Variants in ATAD2 observed in about 807,000 individuals in gnomAD.
ATAD2 encodes the protein ATPase family AAA domain containing 2.
In ATAD2, 62 loss-of-function variants were observed where a neutral mutation model predicts 168.9. The observed-to-expected ratio is 0.37, with a 90% CI of 0.30 to 0.45. ATAD2 has a LOEUF of 0.45. ATAD2 is among the 20% of genes least tolerant of loss of function. The pLI is 1.00. For synonymous variants in ATAD2, 613 were observed against 571.6 expected, an observed-to-expected ratio of 1.07 and a Z score of -1.03; for missense variants, 1,419 against 1,667.8, an observed-to-expected ratio of 0.85 and a Z score of 2.60.
In ATAD2 at chr8:123,357,546, A is replaced by C. The variant is rs371796622; in HGVS notation, c.1557+16T>G. 1.9e-6 allele frequency: 3 copies of C among 1,599,590 alleles called. No homozygotes were observed. The African/African-American group carries it at 4.0e-5, about 22-fold the overall frequency. On this transcript the variant is annotated intron_variant, in intron 12 of 27. Transcript: ENST00000287394. ...ATTACAGAACTATCCAGATATATAA[A>C]ATGTTAATATCATACCTGATCAAAC...
intron 1 of ATAD2, among the ~76,000 whole-genome samples, chr8:123,406,838 TACC>T (rs1813074981): frequency 6.8e-6 from 1 of 146,026 alleles, no homozygotes; most frequent in African/African-American, 2.5e-5. Flanking sequence ...AAAAAAAAAT[TACC>T]ACACTGGCTT....
chr8:123,384,784 G>A (rs1051386159), intron 1 of ATAD2, among the ~76,000 whole-genome samples: 9 of 152,164 alleles, frequency 5.9e-5, no homozygotes, highest in Admixed American at 2.0e-4. Context: ...AAAGATTAGC[G>A]AAACAATTTT....
At chr8:123,371,400 T>G in intron 4 of ATAD2, 62 bp from the exon 5 acceptor site, 1 of 1,343,266 alleles carries the variant, frequency 7.4e-7, no homozygotes, top group Non-Finnish European at 1.0e-6. Context: ...TTTTAAAAAC[T>G]TTATTTTTCT....
In ATAD2 at chr8:123,367,816, A is replaced by C. The variant is rs186518649; in HGVS notation, c.1049+1242T>G. Among the ~76,000 whole-genome samples, 24 of 152,304 alleles carry C rather than the reference A, an allele frequency of 1.6e-4. 1 individual carries two copies. The highest frequency in any genetic ancestry group is 5.8e-4 in the African/African-American group (24 of 41,550). ...GTGATTCCTACAATGAAATGAAAAG[A>C]CCTAGGGACACAAATAGTATTTTTT... On this transcript the variant is annotated intron_variant, in intron 8 of 27. Transcript: ENST00000287394.
intron 10 of ATAD2, 64 bp downstream of exon 10, chr8:123,359,513 T>A (rs1056099039): frequency 6.9e-7 from 1 of 1,455,708 alleles, no homozygotes; most frequent in East Asian, 2.3e-5. Context: ...TTCCTTTTTT[T>A]AACTTTAAAA....
chr8:123,409,312 C>A (rs1813118393), intron 1 of ATAD2, among the ~76,000 whole-genome samples: 1 of 152,136 alleles, frequency 6.6e-6, no homozygotes, highest in South Asian at 2.1e-4. Flanking sequence ...TTCAACCCAG[C>A]CAACTTCCCA....
intron 26 of ATAD2, among the ~76,000 whole-genome samples, chr8:123,325,290 A>AT (rs1279594764): frequency 0.019 from 2,806 of 144,608 alleles, 86 homozygotes; most frequent in African/African-American, 0.072. Flanking sequence ...TTATTTATTT[A>AT]TTTATTTTTT....
At chr8:123,384,498 C>T (rs1829590427) in intron 1 of ATAD2, among the ~76,000 whole-genome samples, 1 of 152,204 alleles carries the variant, frequency 6.6e-6, no homozygotes, top group South Asian at 2.1e-4. Flanking sequence ...ACTCTGGTCA[C>T]AGGTAGAAGT....
intron 1 of ATAD2, among the ~76,000 whole-genome samples, chr8:123,389,972 ATATATATATATATTTT>A (rs1460860963): frequency 8.9e-6 from 1 of 112,440 alleles, no homozygotes; most frequent in Non-Finnish European, 1.7e-5. Flanking sequence ...ATATATATAT[ATATATATATATATTTT>A]TTTTTTTTTA....
At chr8:123,392,441 C>T (rs1461502858) in intron 1 of ATAD2, among the ~76,000 whole-genome samples, 1 of 151,878 alleles carries the variant, frequency 6.6e-6, no homozygotes, top group Non-Finnish European at 1.5e-5. Flanking sequence ...AGTCACACAG[C>T]TTACTATAAG....
chr8:123,356,704 G>C (rs975979605), intron 12 of ATAD2, among the ~76,000 whole-genome samples: 1 of 150,352 alleles, frequency 6.7e-6, no homozygotes, highest in African/African-American at 2.4e-5. Context: ...CTGGAGTGCA[G>C]TGGCGTGATC....
intron 5 of ATAD2, 53 bp downstream of exon 5, chr8:123,371,182 TA>T (rs1283131300): frequency 3.6e-6 from 5 of 1,406,660 alleles, no homozygotes; most frequent in East Asian, 2.3e-5. Context: ...TTAGGTACTA[TA>T]AAAAAATTAA....
At chr8:123,351,749 T>G (rs79875264) in intron 13 of ATAD2, among the ~76,000 whole-genome samples, 2,843 of 126,746 alleles carry the variant, frequency 0.022, 100 homozygotes, top group African/African-American at 0.09. Context: ...AAAACTGATG[T>G]TTTTTTTTTT....
chr8:123,343,644 C>A (rs561004586), intron 19 of ATAD2, among the ~76,000 whole-genome samples: 1 of 152,208 alleles, frequency 6.6e-6, no homozygotes, highest in African/African-American at 2.4e-5. Flanking sequence ...TACACAGAAG[C>A]CTACAATATG....
intron 12 of ATAD2, 64 bp from the exon 13 acceptor site, chr8:123,356,541 A>C (rs1828651419): frequency 1.9e-6 from 2 of 1,051,666 alleles, no homozygotes. Context: ...GACTTAATAT[A>C]AACCATTTTA....
chr8:123,380,297 T>C (rs1385199708), intron 2 of ATAD2, among the ~76,000 whole-genome samples: 3 of 150,824 alleles, frequency 2.0e-5, no homozygotes, highest in African/African-American at 7.3e-5. Flanking sequence ...AGGTGATCTG[T>C]CTGCCTCGGC....
At chr8:123,372,721 T>A (rs1351888399) in intron 2 of ATAD2, 35 bp from the exon 3 acceptor site, 6 of 1,481,332 alleles carry the variant, frequency 4.1e-6, no homozygotes, top group Non-Finnish European at 9.2e-7. Context: ...TTCAAAATAA[T>A]TGACATAACT....
Position 123,371,849 on chromosome 8 carries a change from T to C in ATAD2, c.371-14A>G, listed in dbSNP as rs758903252. 19 of 1,545,204 alleles carry C rather than the reference T, an allele frequency of 1.2e-5. No homozygotes were observed. The highest frequency in any genetic ancestry group is 3.5e-4 in the Middle Eastern group (2 of 5,770). Reference sequence around the variant, plus strand: ...GAATCACTTTGTCTTCACAAATGCATACATAAAAATAAATAGAAACATTTG... The same window carrying C: ...GAATCACTTTGTCTTCACAAATGCACACATAAAAATAAATAGAAACATTTG... On this transcript the variant is annotated splice_polypyrimidine_tract_variant and intron_variant, in intron 3 of 27. Coordinates refer to ENST00000287394, the MANE Select transcript of ATAD2 (RefSeq NM_014109.4).
intron 19 of ATAD2, chr8:123,342,335 A>G (rs1409191968): frequency 6.6e-6 from 1 of 152,196 alleles, no homozygotes; most frequent in Non-Finnish European, 1.5e-5. Context: ...ATATACAAAG[A>G]CTTGTCATGA....
Sources: gnomAD v4.1 joint callset for allele counts (sites outside exome capture counted in the v4.1 genomes callset) on GRCh38, gnomAD v4.1.1 for gene constraint, MANE v1.5 for transcripts, NCBI Gene and HGNC (gene_info 2026-07-23, HGNC 2026-07-21) for gene names.